The following FAT3 variants were observed in gnomAD, a reference collection of about 807,000 sequenced individuals.
FAT3 encodes FAT atypical cadherin 3.
A neutral mutation model predicts 310.2 loss-of-function variants in FAT3; 95 were observed. The observed-to-expected ratio is 0.31, with a 90% CI of 0.26 to 0.36. FAT3 has a LOEUF of 0.36. Ranked by LOEUF, FAT3 falls within the 10% of genes least tolerant of loss-of-function variation. The probability of loss-of-function intolerance (pLI) is 1.00; values close to 1 mark genes in which losing one functional copy is unlikely to be tolerated. For synonymous variants in FAT3, 2,314 were observed against 2,192.9 expected (o/e 1.06, Z -1.54); for missense variants, 5,408 against 5,715.6 (o/e 0.95, Z 1.74).
intron 1 of FAT3, among the ~76,000 whole-genome samples, chr11:92,318,967 G>A (rs1397319340): frequency 6.6e-6 from 1 of 152,158 alleles, no homozygotes; most frequent in Non-Finnish European, 1.5e-5. Flanking sequence ...ACTATTTATG[G>A]AGCATATTCT....
chr11:92,662,382 A>G lies in FAT3; in HGVS notation c.3608-35002A>G, dbSNP rs145457729. ...CAAAGAAGAGGATGCCTCTTCTTTG[A>G]GGTCCACTTCTCATTACTCTGCTTC... On this transcript the variant is annotated intron_variant, in intron 3 of 27. Coordinates refer to ENST00000525166, the MANE Select transcript of FAT3 (RefSeq NM_001367949.2). Among the ~76,000 whole-genome samples the G allele has an allele frequency of 1.0e-3, 153 of 152,226 alleles. No homozygotes were observed. In the East Asian group the frequency reaches 0.028, roughly 28 times the overall value.
intron 7 of FAT3, among the ~76,000 whole-genome samples, chr11:92,789,127 A>G (rs1328441982): frequency 1.3e-5 from 2 of 152,152 alleles, no homozygotes; most frequent in Non-Finnish European, 2.9e-5. Flanking sequence ...TAGGTGCAGC[A>G]ATGGTATTGT....
intron 3 of FAT3, among the ~76,000 whole-genome samples, chr11:92,669,123 C>A (rs1289457407): frequency 2.6e-5 from 4 of 152,178 alleles, no homozygotes; most frequent in African/African-American, 9.7e-5. Context: ...GATCTTTTTT[C>A]ATCTTACTTG....
chr11:92,338,745 C>T (rs748545686), intron 1 of FAT3, among the ~76,000 whole-genome samples: 1 of 152,150 alleles, frequency 6.6e-6, no homozygotes, highest in Non-Finnish European at 1.5e-5. Context: ...AACATTAGTC[C>T]TTGGGAACAA....
chr11:92,486,662 A>G (rs1317987139), intron 2 of FAT3, among the ~76,000 whole-genome samples: 2 of 151,954 alleles, frequency 1.3e-5, no homozygotes, highest in South Asian at 4.1e-4. Context: ...TCCTCCAGAC[A>G]TTTCCTCATG....
At position 92,867,023 on chromosome 11, in the gene FAT3, G is replaced by A. The variant is rs951151544; in HGVS notation, c.11941G>A (p.Gly3981Ser). ...TDTRVTQVLSGFQGCLDSVIL... is the reference protein window; with the variant it reads ...TDTRVTQVLSSFQGCLDSVIL... Reference sequence around the variant, plus strand: ...CACGCGGGTCACGCAGGTGCTCAGCGGCTTCCAGGGCTGCCTGGACTCGGT... The same window carrying A: ...CACGCGGGTCACGCAGGTGCTCAGCAGCTTCCAGGGCTGCCTGGACTCGGT... Residue 3981 changes from glycine (G) to serine (S), a missense_variant, in exon 22 of 28, where the codon GGC becomes AGC. Gly to Ser is a moderately conservative substitution (Grantham distance 56). Transcript: ENST00000525166. The A allele has an allele frequency of 5.0e-6, 8 of 1,592,312 alleles. No homozygotes were observed. The highest frequency in any genetic ancestry group is 6.0e-6 in the Non-Finnish European group (7 of 1,169,604).
At chr11:92,431,261 GTGA>G (rs1229003642) in intron 2 of FAT3, among the ~76,000 whole-genome samples, 5 of 152,214 alleles carry the variant, frequency 3.3e-5, no homozygotes, top group Non-Finnish European at 7.3e-5. Flanking sequence ...CTGACGGCCA[GTGA>G]TGATGAGCAT....
At chr11:92,542,045 C>A (rs910859784) in intron 3 of FAT3, among the ~76,000 whole-genome samples, 1 of 151,804 alleles carries the variant, frequency 6.6e-6, no homozygotes, top group Non-Finnish European at 1.5e-5. Context: ...ACATTATAAC[C>A]AACTAAAATT....
chr11:92,267,417 T>C (rs1159386930), intron 1 of FAT3, among the ~76,000 whole-genome samples: 2 of 152,050 alleles, frequency 1.3e-5, no homozygotes, highest in Admixed American at 6.6e-5. Flanking sequence ...ATGTATTGAC[T>C]CCGGACAAGG....
chr11:92,822,155 G>T (rs2136236453), intron 13 of FAT3, among the ~76,000 whole-genome samples: 1 of 152,194 alleles, frequency 6.6e-6, no homozygotes, highest in Admixed American at 6.5e-5. Flanking sequence ...GCTGTCAAAG[G>T]AAACAGCTAA....
chr11:92,759,169 C>T (rs559969751), intron 4 of FAT3, among the ~76,000 whole-genome samples: 114 of 152,188 alleles, frequency 7.5e-4, no homozygotes, highest in Non-Finnish European at 4.4e-4. Flanking sequence ...TGTTAAGGCC[C>T]TTGAACCATC....
chr11:92,591,561 T>G (rs1441224609), intron 3 of FAT3, among the ~76,000 whole-genome samples: 4 of 152,150 alleles, frequency 2.6e-5, no homozygotes, highest in Admixed American at 2.0e-4. Flanking sequence ...ACTCTTAATC[T>G]CCTTATTTTA....
intron 6 of FAT3, among the ~76,000 whole-genome samples, chr11:92,766,429 C>T (rs3847525): frequency 1.3e-5 from 2 of 151,984 alleles, no homozygotes; most frequent in Non-Finnish European, 1.5e-5. Flanking sequence ...GCCTCTCCCC[C>T]CCAGGAATGG....
At chr11:92,823,372 C>T (rs1226490238) in intron 13 of FAT3, among the ~76,000 whole-genome samples, 1 of 152,060 alleles carries the variant, frequency 6.6e-6, no homozygotes, top group Non-Finnish European at 1.5e-5. Context: ...AAAGTTTAAC[C>T]CAGATAAGCT....
In FAT3 at chr11:92,715,022, A is replaced by G. The variant is rs183672187; in HGVS notation, c.3669+17577A>G. ...TGGGGTATGGGTTGTTTTTTGTTAC[A>G]TGGATTTGGGACTTATGAGGACAAC... On this transcript the variant is annotated intron_variant, in intron 4 of 27. Transcript: ENST00000525166. Among the ~76,000 whole-genome samples, 253 of 151,998 alleles carry G rather than the reference A, an allele frequency of 1.7e-3. 2 individuals are homozygous for G. Among genetic ancestry groups the G allele is most frequent in the Non-Finnish European group, 1.5e-3 (104 of 67,972 alleles).
chr11:92,472,031 GATT>G (rs1951923131), intron 2 of FAT3, among the ~76,000 whole-genome samples: 1 of 149,288 alleles, frequency 6.7e-6, no homozygotes, highest in Non-Finnish European at 1.5e-5. Flanking sequence ...AAATGCAAAA[GATT>G]ATTAGGTATT....
intron 2 of FAT3, among the ~76,000 whole-genome samples, chr11:92,417,872 G>A (rs563652357): frequency 1.3e-5 from 2 of 152,292 alleles, no homozygotes; most frequent in African/African-American, 4.8e-5. Context: ...TTGTCCTTAA[G>A]CTCAGGTGAG....
rs1180850729 is a variant in FAT3 at position 92,798,825 on chromosome 11, G to A, written c.5812G>A (p.Val1938Ile). 1 of 1,613,740 alleles carries A rather than the reference G, an allele frequency of 6.2e-7. No individual in the cohort carries two copies. The highest frequency in any genetic ancestry group is 8.5e-7 in the Non-Finnish European group (1 of 1,179,856). ...TTTTTTAATTGACTCAAACAGTGGA[G>A]TACTTACCATAAAAAACAACAACCT... ...DHFLIDSNSG[V>I]LTIKNNNLSK... The change falls in exon 10 of 28, where the codon GTA becomes ATA. Residue 1938 changes from valine (V) to isoleucine (I), a missense_variant. Val to Ile is a conservative substitution (Grantham distance 29). This residue lies in a region of FAT3 where 4,588 missense variants were observed against 4,809.8 expected (regional missense o/e 0.95). Transcript: ENST00000525166.
chr11:92,888,078 C>A (rs529910583), intron 25 of FAT3, among the ~76,000 whole-genome samples: 5 of 152,266 alleles, frequency 3.3e-5, no homozygotes, highest in African/African-American at 1.2e-4. Context: ...GTCTTCAAGG[C>A]AAATACAGAA....
Sources: allele counts gnomAD v4.1 joint callset (sites outside exome capture counted in the v4.1 genomes callset), GRCh38; gene constraint gnomAD v4.1.1; regional missense constraint gnomAD v4.1.1; transcripts MANE v1.5; gene names NCBI Gene and HGNC (gene_info 2026-07-23, HGNC 2026-07-21).